The following RXFP1 variants were observed in gnomAD, a reference collection of about 807,000 sequenced individuals.
RXFP1 encodes relaxin family peptide receptor 1, also known as relaxin receptor 1.
In RXFP1, 73 loss-of-function variants were observed where a neutral mutation model predicts 89.8. The observed-to-expected ratio is 0.81, with a 90% CI of 0.67 to 0.99. The LOEUF is 0.99. Among genes scored for constraint, RXFP1 ranks in the 50% least tolerant of loss-of-function variants. RXFP1 has a pLI of 0.00. For missense variants in RXFP1, 793 were observed against 895.5 expected, an observed-to-expected ratio of 0.89 and a Z score of 1.46; for synonymous variants, 277 against 305.5, an observed-to-expected ratio of 0.91 and a Z score of 0.97.
intron 2 of RXFP1, among the ~76,000 whole-genome samples, chr4:158,589,318 G>A (rs979048939): frequency 1.3e-5 from 2 of 152,140 alleles, no homozygotes; most frequent in Non-Finnish European, 2.9e-5. Flanking sequence ...TACCCATATC[G>A]ATTAGCTTTG....
In RXFP1 at chr4:158,522,086, C is replaced by A. The variant is rs188069226; in HGVS notation, c.49+61C>A. On this transcript the variant is annotated intron_variant, in intron 1 of 17. Coordinates refer to ENST00000307765, the MANE Select transcript of RXFP1 (RefSeq NM_021634.4). ...GTATTTTGTGGAATAACCACAAGCA[C>A]AAATGTTTACTCCTTATATTTATGC... 8.1e-5 allele frequency: 74 copies of A among 917,010 alleles called. No individual in the cohort carries two copies. The African/African-American group carries it at 1.1e-3, about 14-fold the overall frequency. 56.8% of individuals were successfully genotyped at this position (917,010 alleles called of 1,614,324 possible). A position where few individuals can be genotyped will look rare whatever the true frequency, so the allele number is the denominator to read the frequency against.
Position 158,644,947 on chromosome 4 carries a change from A to G in RXFP1, c.1154A>G (p.His385Arg). The stretch of plus-strand genomic sequence containing the variant: ...TTCCAGTACTGTGGGTATGCACCAC[A>G]TGTTCGCAGCTGTAAACCAAACACT... ...KKFQYCGYAP[H>R]VRSCKPNTDG... Residue 385 changes from histidine to arginine, a missense_variant, in exon 15 of 18, where the codon CAT (histidine) becomes CGT (arginine). Coordinates refer to ENST00000307765, the MANE Select transcript of RXFP1 (RefSeq NM_021634.4). 6.2e-7 allele frequency: 1 copy of G among 1,614,114 alleles called. No homozygotes were observed. Among genetic ancestry groups the G allele is most frequent in the Non-Finnish European group, 8.5e-7 (1 of 1,179,962 alleles).
intron 14 of RXFP1, among the ~76,000 whole-genome samples, chr4:158,639,973 C>T (rs1770047061): frequency 6.6e-6 from 1 of 152,210 alleles, no homozygotes. Context: ...CCCTACCAGA[C>T]ACTGAATCTG....
Position 158,653,028 on chromosome 4 carries a change from T to A in RXFP1, c.*973T>A, listed in dbSNP as rs921159870. ...AGGAAAAAGAGCTGGAATGCACTGATTCAGGAACTTAATTTCAGGAAGGAA... is the reference window on the plus strand; with the variant it reads ...AGGAAAAAGAGCTGGAATGCACTGAATCAGGAACTTAATTTCAGGAAGGAA... On this transcript the variant is annotated 3_prime_UTR_variant, in exon 18 of 18. Transcript: ENST00000307765. 2.0e-5 allele frequency: 3 copies of A among 152,206 alleles called. No homozygotes were observed. Among genetic ancestry groups the A allele is most frequent in the Non-Finnish European group, 4.4e-5 (3 of 68,024 alleles). 9.4% of individuals were successfully genotyped at this position (152,206 alleles called of 1,614,324 possible).
At chr4:158,644,541 A>G (rs1771137228) in intron 14 of RXFP1, among the ~76,000 whole-genome samples, 1 of 152,230 alleles carries the variant, frequency 6.6e-6, no homozygotes, top group Admixed American at 6.5e-5. Context: ...GAAAGCAGTC[A>G]CTTGCAGCAC....
At chr4:158,584,645 A>C (rs1757962505) in intron 2 of RXFP1, among the ~76,000 whole-genome samples, 1 of 152,134 alleles carries the variant, frequency 6.6e-6, no homozygotes, top group Non-Finnish European at 1.5e-5. Flanking sequence ...CCAAACATCA[A>C]GGGAGCCCAG....
At chr4:158,635,945 G>A (rs1769073079) in intron 12 of RXFP1, among the ~76,000 whole-genome samples, 2 of 151,414 alleles carry the variant, frequency 1.3e-5, no homozygotes, top group African/African-American at 2.4e-5. Flanking sequence ...CTCTCACCTC[G>A]GCCTCCCAAA....
chr4:158,619,671 C>T (rs937420443), intron 9 of RXFP1, among the ~76,000 whole-genome samples: 4 of 152,148 alleles, frequency 2.6e-5, no homozygotes, highest in Admixed American at 1.3e-4. Flanking sequence ...CAAAACTCCA[C>T]CTTCTTCTCT....
intron 1 of RXFP1, among the ~76,000 whole-genome samples, chr4:158,548,306 G>T (rs1190702457): frequency 6.6e-6 from 1 of 152,142 alleles, no homozygotes; most frequent in Non-Finnish European, 1.5e-5. Flanking sequence ...TTGCTTGGTA[G>T]ATCTTCCTCC....
At chr4:158,591,897 T>A (rs1434815400) in intron 2 of RXFP1, among the ~76,000 whole-genome samples, 1 of 152,084 alleles carries the variant, frequency 6.6e-6, no homozygotes, top group Non-Finnish European at 1.5e-5. Context: ...CAGGAAAAAA[T>A]TTAGAAGGTC....
chr4:158,551,006 C>T (rs1749970181), intron 1 of RXFP1, among the ~76,000 whole-genome samples: 2 of 150,442 alleles, frequency 1.3e-5, no homozygotes, highest in Non-Finnish European at 3.0e-5. Context: ...AACTACTGAC[C>T]AACATGAAAG....
chr4:158,534,466 C>T (rs1369451465), intron 1 of RXFP1, among the ~76,000 whole-genome samples: 2 of 152,044 alleles, frequency 1.3e-5, no homozygotes, highest in Admixed American at 6.6e-5. Context: ...AGGTTGGTCT[C>T]GAACTCCTGA....
In RXFP1 at chr4:158,614,964, A is replaced by G. The variant is rs2150140895; in HGVS notation, c.681-2167A>G. 2.6e-5 allele frequency among the ~76,000 whole-genome samples: 4 copies of G among 152,012 alleles called. 1 individual carries two copies. In the Middle Eastern group the frequency reaches 0.014, roughly 517 times the overall value. On this transcript the variant is annotated intron_variant, in intron 8 of 17. Coordinates refer to ENST00000307765, the MANE Select transcript of RXFP1 (RefSeq NM_021634.4). ...AGTAGGTCTCAAGAGTGGGTTTAAAATATTTAGTTAACCATGCTGTAAACA... is the reference window on the plus strand; with the variant it reads ...AGTAGGTCTCAAGAGTGGGTTTAAAGTATTTAGTTAACCATGCTGTAAACA...
intron 6 of RXFP1, among the ~76,000 whole-genome samples, chr4:158,608,448 G>C (rs1214202870): frequency 6.7e-6 from 1 of 149,212 alleles, no homozygotes; most frequent in African/African-American, 2.5e-5. Flanking sequence ...CATAGACCAA[G>C]ACCCTGTCTC....
chr4:158,603,380 A>T (rs867803852), intron 4 of RXFP1, among the ~76,000 whole-genome samples: 1 of 152,222 alleles, frequency 6.6e-6, no homozygotes, highest in Non-Finnish European at 1.5e-5. Flanking sequence ...CAAGGAAATA[A>T]TATTTGGTGA....
At chr4:158,590,557 A>T (rs1256957032) in intron 2 of RXFP1, among the ~76,000 whole-genome samples, 2 of 152,220 alleles carry the variant, frequency 1.3e-5, no homozygotes, top group African/African-American at 4.8e-5. Context: ...TATCGTAGCA[A>T]GAACTTTGCC....
chr4:158,618,768 T>A (rs899634657), intron 9 of RXFP1, among the ~76,000 whole-genome samples: 3 of 152,016 alleles, frequency 2.0e-5, no homozygotes, highest in Admixed American at 2.0e-4. Flanking sequence ...GCTTCTAAGG[T>A]ATTTGCAGGA....
chr4:158,600,055 T>C (rs921890822), intron 4 of RXFP1, among the ~76,000 whole-genome samples: 1 of 152,246 alleles, frequency 6.6e-6, no homozygotes, highest in Non-Finnish European at 1.5e-5. Flanking sequence ...TTGAATTCAA[T>C]GAACTTCAGC....
intron 4 of RXFP1, among the ~76,000 whole-genome samples, chr4:158,602,221 A>T (rs1363765507): frequency 6.6e-6 from 1 of 152,212 alleles, no homozygotes. Flanking sequence ...AAAATATTTT[A>T]TGTCATTTAG....
Sources: allele counts gnomAD v4.1 joint callset (sites outside exome capture counted in the v4.1 genomes callset), GRCh38; gene constraint gnomAD v4.1.1; transcripts MANE v1.5; gene names NCBI Gene and HGNC (gene_info 2026-07-23, HGNC 2026-07-21).